MTARC2: variants seen among roughly 807,000 people sequenced by gnomAD.
MTARC2 encodes MOCO sulphurase C-terminal domain containing 2.
Under a neutral mutation model 35.6 loss-of-function variants are expected in MTARC2, and 27 were observed. The observed-to-expected ratio is 0.76, with a 90% CI of 0.56 to 1.04. MTARC2 has a LOEUF of 1.04. Among genes scored for constraint, MTARC2 ranks in the 50% least tolerant of loss-of-function variants. The pLI, the probability that MTARC2 is intolerant of heterozygous loss-of-function variation, is 0.00. For missense variants in MTARC2, 412 were observed against 432.5 expected (o/e 0.95, Z 0.42); for synonymous variants, 158 against 167.1 (o/e 0.95, Z 0.42).
intron 4 of MTARC2, among the ~76,000 whole-genome samples, chr1:220,769,076 T>C (rs115316355): frequency 0.015 from 2,305 of 152,332 alleles, 25 homozygotes; most frequent in Non-Finnish European, 0.022. Flanking sequence ...CCAACAGAAC[T>C]CCTTTACTTA....
intron 2 of MTARC2, among the ~76,000 whole-genome samples, chr1:220,759,989 CAG>C (rs1017187602): frequency 3.3e-5 from 5 of 152,134 alleles, no homozygotes; most frequent in African/African-American, 1.2e-4. Flanking sequence ...TGCATCGCCT[CAG>C]GAGTCCTCAC....
intron 1 of MTARC2, among the ~76,000 whole-genome samples, chr1:220,753,798 C>T (rs1222867287): frequency 6.6e-6 from 1 of 152,158 alleles, no homozygotes; most frequent in African/African-American, 2.4e-5. Flanking sequence ...TGCCTATAAT[C>T]CCAGTACTTT....
intron 2 of MTARC2, among the ~76,000 whole-genome samples, chr1:220,757,593 C>T (rs776949542): frequency 1.2e-4 from 19 of 152,112 alleles, no homozygotes; most frequent in Non-Finnish European, 7.4e-5. Context: ...GGTGAGGTCC[C>T]TTTTCAGGGC....
intron 1 of MTARC2, among the ~76,000 whole-genome samples, chr1:220,749,024 G>C (rs1042283722): frequency 2.6e-5 from 4 of 152,224 alleles, no homozygotes; most frequent in Admixed American, 6.5e-5. Context: ...TTCCCTAGAC[G>C]AGAGATTCCT....
intron 4 of MTARC2, among the ~76,000 whole-genome samples, chr1:220,772,141 G>A (rs7519414): frequency 0.32 from 48,397 of 151,990 alleles, 8,871 homozygotes; most frequent in East Asian, 0.68. Flanking sequence ...AACTTGTTTA[G>A]CCATTCCCTT....
chr1:220,749,592 G>A (rs1389462718), intron 1 of MTARC2, among the ~76,000 whole-genome samples: 4 of 151,878 alleles, frequency 2.6e-5, no homozygotes, highest in African/African-American at 7.3e-5. Context: ...CACCACGCCC[G>A]GCTAATTTTT....
Position 220,784,109 on chromosome 1 carries a change from A to G in MTARC2, c.*222A>G. The G allele has an allele frequency of 1.8e-6, 1 of 555,330 alleles. No individual in the cohort carries two copies. Among genetic ancestry groups the G allele is most frequent in the Non-Finnish European group, 3.3e-6 (1 of 305,124 alleles). 34.4% of individuals were successfully genotyped at this position (555,330 alleles called of 1,614,324 possible). On this transcript the variant is annotated 3_prime_UTR_variant, in exon 8 of 8. Coordinates refer to ENST00000366913, the MANE Select transcript of MTARC2 (RefSeq NM_017898.5). ...GAGGGGGGAATATGAAAGTATATAT[A>G]TAAATTTTAGGTACTGAAGGCTTTA... is the stretch of plus-strand genomic sequence containing the variant.
At chr1:220,777,296 G>A (rs1164387463) in intron 4 of MTARC2, among the ~76,000 whole-genome samples, 3 of 152,138 alleles carry the variant, frequency 2.0e-5, no homozygotes, top group Non-Finnish European at 2.9e-5. Flanking sequence ...TTGAAGACCC[G>A]GTTAGGTACT....
rs1671047808 is a variant in MTARC2 at position 220,748,680 on chromosome 1, G to GGCT, written c.152_154dup (p.Leu51dup). 1 of 1,585,982 alleles carries GGCT rather than the reference G, an allele frequency of 6.3e-7. No homozygotes were observed. Among genetic ancestry groups the GGCT allele is most frequent in the Non-Finnish European group, 8.6e-7 (1 of 1,167,858 alleles). On this transcript the variant is annotated inframe_insertion, in exon 1 of 8. Coordinates refer to ENST00000366913, the MANE Select transcript of MTARC2 (RefSeq NM_017898.5). ...CGCGCATGGCCCAGGCGGCGCCGGC[G>GGCT]GCTGCAGCAGGTGGGCACCGTGGCG...
At chr1:220,756,503 G>A (rs943967855) in intron 2 of MTARC2, 8 of 152,326 alleles carry the variant, frequency 5.3e-5, no homozygotes, top group South Asian at 2.1e-4. Context: ...TCACTGCCAC[G>A]AAAACACAGA....
intron 2 of MTARC2, among the ~76,000 whole-genome samples, chr1:220,756,127 T>C (rs1671274071): frequency 6.6e-6 from 1 of 152,222 alleles, no homozygotes; most frequent in Admixed American, 6.5e-5. Flanking sequence ...GGCTTCCTTT[T>C]GGCCTATGGG....
intron 4 of MTARC2, among the ~76,000 whole-genome samples, chr1:220,778,982 T>C (rs1034151896): frequency 2.0e-5 from 3 of 152,204 alleles, no homozygotes; most frequent in African/African-American, 7.2e-5. Context: ...AGTGTTCAAC[T>C]CTAATTGCAT....
intron 2 of MTARC2, among the ~76,000 whole-genome samples, chr1:220,760,772 G>A (rs1244179847): frequency 6.6e-6 from 1 of 152,128 alleles, no homozygotes; most frequent in African/African-American, 2.4e-5. Flanking sequence ...CAGTAAGTGA[G>A]CGATAGCCAT....
intron 4 of MTARC2, among the ~76,000 whole-genome samples, chr1:220,774,302 C>T (rs769841112): frequency 8.6e-5 from 13 of 151,948 alleles, no homozygotes; most frequent in Admixed American, 8.5e-4. Context: ...TTTTTAATAC[C>T]CGAATAATGA....
In MTARC2 at chr1:220,753,725, C is replaced by T. The variant is rs375802492; in HGVS notation, c.273-1222C>T. ...TATCAGTGCCTGCATTTTCCTCACC[C>T]GCTAGTCTGCAGATTCTATCTTCTT... On this transcript the variant is annotated intron_variant, in intron 1 of 7. Transcript: ENST00000366913. Among the ~76,000 whole-genome samples, 208 of 152,252 alleles carry T rather than the reference C, an allele frequency of 1.4e-3. 3 individuals are homozygous for T. The highest frequency in any genetic ancestry group is 0.012 in the South Asian group (60 of 4,820).
chr1:220,754,631 C>A (rs1671226201), intron 1 of MTARC2, among the ~76,000 whole-genome samples: 1 of 152,158 alleles, frequency 6.6e-6, no homozygotes, highest in Non-Finnish European at 1.5e-5. Flanking sequence ...AGCAGAACCC[C>A]CAGACAAGCA....
chr1:220,769,934 C>CAAAAA (rs57739324), intron 4 of MTARC2, among the ~76,000 whole-genome samples: 1,077 of 63,370 alleles, frequency 0.017, 42 homozygotes, highest in East Asian at 0.043. Context: ...ACTAAAAATA[C>CAAAAA]AAAAAAAAAA....
At position 220,783,900 on chromosome 1, in the gene MTARC2, A is replaced by T. The variant is rs1252860596; in HGVS notation, c.*32-19A>T. On this transcript the variant is annotated intron_variant, in intron 7 of 7. Transcript: ENST00000366913. Reference sequence around the variant, plus strand: ...AGGATAAACAACCAAATAACCAGAGATTCTTATTATTTATTCAGGCTTCAG... The same window carrying T: ...AGGATAAACAACCAAATAACCAGAGTTTCTTATTATTTATTCAGGCTTCAG... 7 of 717,300 alleles carry T rather than the reference A, an allele frequency of 9.8e-6. No homozygotes were observed. Among genetic ancestry groups the T allele is most frequent in the South Asian group, 8.9e-5 (6 of 67,592 alleles). 44.4% of individuals were successfully genotyped at this position (717,300 alleles called of 1,614,324 possible).
chr1:220,774,849 T>A (rs1024628221), intron 4 of MTARC2, among the ~76,000 whole-genome samples: 3 of 152,202 alleles, frequency 2.0e-5, no homozygotes, highest in Non-Finnish European at 4.4e-5. Context: ...CATAGAGAGA[T>A]GGACTATATA....
Sources: allele counts gnomAD v4.1 joint callset (sites outside exome capture counted in the v4.1 genomes callset), GRCh38; gene constraint gnomAD v4.1.1; transcripts MANE v1.5; gene names NCBI Gene and HGNC (gene_info 2026-07-23, HGNC 2026-07-21).